The following POP1 variants were observed in gnomAD, a reference collection of about 807,000 sequenced individuals.
POP1 encodes POP1 ribonuclease P/MRP subunit, also known as ribonucleases P/MRP protein subunit POP1.
POP1 carries 75 observed loss-of-function variants against 102.2 expected under a neutral mutation model. The observed-to-expected ratio is 0.73, with a 90% confidence interval of 0.61 to 0.89. The LOEUF is 0.89. Among genes scored for constraint, POP1 ranks in the 40% least tolerant of loss-of-function variants. The pLI, the probability that POP1 is intolerant of heterozygous loss-of-function variation, is 0.00. For synonymous variants in POP1, 436 were observed against 464.1 expected, an observed-to-expected ratio of 0.94 and a Z score of 0.78; for missense variants, 1,116 against 1,267.4, an observed-to-expected ratio of 0.88 and a Z score of 1.81.
At chr8:98,125,616 C>G (rs544111957) in intron 2 of POP1, among the ~76,000 whole-genome samples, 1 of 152,236 alleles carries the variant, frequency 6.6e-6, no homozygotes, top group Admixed American at 6.5e-5. Context: ...TCTTGGCCCA[C>G]TGCAACCTCT....
At chr8:98,122,100 A>AT (rs1407773326) in intron 1 of POP1, among the ~76,000 whole-genome samples, 3 of 152,168 alleles carry the variant, frequency 2.0e-5, no homozygotes, top group Non-Finnish European at 1.5e-5. Flanking sequence ...AACTGCTGTG[A>AT]TTATAGGCAT....
intron 11 of POP1, among the ~76,000 whole-genome samples, chr8:98,144,984 C>A (rs907422734): frequency 2.0e-5 from 3 of 152,128 alleles, no homozygotes; most frequent in African/African-American, 7.2e-5. Context: ...ACCTCCTGGG[C>A]TCAAGCCATC....
chr8:98,132,041 T>C (rs1816397516), intron 5 of POP1, among the ~76,000 whole-genome samples: 1 of 152,198 alleles, frequency 6.6e-6, no homozygotes, highest in Non-Finnish European at 1.5e-5. Context: ...TGAGTTACTT[T>C]TCATTTTGGG....
intron 9 of POP1, among the ~76,000 whole-genome samples, chr8:98,138,739 T>A (rs1816619385): frequency 1.3e-5 from 2 of 152,078 alleles, no homozygotes; most frequent in Non-Finnish European, 2.9e-5. Flanking sequence ...TAATAAGTTG[T>A]GGAGCAAAGA....
In POP1 at chr8:98,159,320, C is replaced by T. The variant is rs991145044; in HGVS notation, c.*1049C>T. On this transcript the variant is annotated 3_prime_UTR_variant, in exon 16 of 16. Transcript: ENST00000401707. Reference sequence around the variant, plus strand: ...TACCTCTGCAAGGTGATAACTAAGCCGGCAAGCTGCCTTTCAACACTCATG... The same window carrying T: ...TACCTCTGCAAGGTGATAACTAAGCTGGCAAGCTGCCTTTCAACACTCATG... 7.9e-5 allele frequency: 12 copies of T among 152,182 alleles called. No homozygotes were observed. The highest frequency in any genetic ancestry group is 1.2e-4 in the Non-Finnish European group (8 of 68,056). The allele number at this position is 152,182 out of a possible 1,614,324, so 9.4% of individuals were successfully genotyped here. A position where few individuals can be genotyped will look rare whatever the true frequency, so the allele number is the denominator to read the frequency against.
At chr8:98,118,224 T>C (rs1363635150) in intron 1 of POP1, among the ~76,000 whole-genome samples, 1 of 152,170 alleles carries the variant, frequency 6.6e-6, no homozygotes, top group Non-Finnish European at 1.5e-5. Context: ...CAGTCTGGCC[T>C]CCCCTTGCCT....
At chr8:98,129,137 G>C (rs905148654) in intron 4 of POP1, among the ~76,000 whole-genome samples, 1 of 152,106 alleles carries the variant, frequency 6.6e-6, no homozygotes. Flanking sequence ...AAAAAACTCT[G>C]ACCCTCTTAC....
chr8:98,130,546 GGA>G (rs1816353869), intron 5 of POP1, among the ~76,000 whole-genome samples: 1 of 5,842 alleles, frequency 1.7e-4, no homozygotes, highest in Admixed American at 1.3e-3. Flanking sequence ...GGATAAGATG[GGA>G]GGAGAGGGGG....
In POP1 at chr8:98,123,327, C is replaced by T. The variant is rs961497636; in HGVS notation, c.-2-9C>T. On this transcript the variant is annotated splice_polypyrimidine_tract_variant and intron_variant, in intron 1 of 15. Transcript: ENST00000401707. ...TTTCCCTGTATTAAATGTATTACTT[C>T]CTTTCCAGAAATGTCAAATGCAAAA... is the stretch of plus-strand genomic sequence containing the variant. The T allele has an allele frequency of 3.1e-6, 5 of 1,612,710 alleles. No individual in the cohort carries two copies. The highest frequency in any genetic ancestry group is 1.7e-5 in the Admixed American group (1 of 59,982).
intron 5 of POP1, among the ~76,000 whole-genome samples, chr8:98,130,591 C>A (rs1816355421): frequency 6.6e-6 from 1 of 152,050 alleles, no homozygotes; most frequent in African/African-American, 2.4e-5. Flanking sequence ...GAGTGAAGAA[C>A]TGGAATCAAT....
At chr8:98,141,711 G>A (rs1241824622) in intron 11 of POP1, among the ~76,000 whole-genome samples, 6 of 150,666 alleles carry the variant, frequency 4.0e-5, no homozygotes, top group African/African-American at 1.2e-4. Flanking sequence ...CCACCACAAC[G>A]CCTGGCTAAT....
Position 98,140,810 on chromosome 8 carries a change from G to A in POP1, c.1516G>A (p.Gly506Arg). The part of the protein sequence containing the change: ...PAEIPAGTIL[G>R]LTVGDPRINL... The stretch of plus-strand genomic sequence containing the variant: ...AGAAATTCCGGCAGGTACTATTCTG[G>A]GACTGACAGTTGGGGATCCTCGAAT... The change falls in exon 11 of 16, where the codon GGA (glycine) becomes AGA (arginine). Residue 506 changes from glycine to arginine, a missense_variant. By Grantham distance (125) the Gly-to-Arg change is moderately radical. Coordinates refer to ENST00000401707, the MANE Select transcript of POP1 (RefSeq NM_001145860.2). 1.2e-6 allele frequency: 2 copies of A among 1,613,852 alleles called. No homozygotes were observed. The highest frequency in any genetic ancestry group is 1.7e-6 in the Non-Finnish European group (2 of 1,179,818).
chr8:98,146,708 G>A, intron 12 of POP1, 25 bp downstream of exon 12: 1 of 1,497,850 alleles, frequency 6.7e-7, no homozygotes, highest in Non-Finnish European at 9.3e-7. Context: ...AAGGGTTATT[G>A]GTAAAGTCAT....
Position 98,137,053 on chromosome 8 carries a change from C to G in POP1, c.1362+99C>G. On this transcript the variant is annotated intron_variant, in intron 9 of 15. Coordinates refer to ENST00000401707, the MANE Select transcript of POP1 (RefSeq NM_001145860.2). ...AATTTGGTAACATTTTGGGCCATGG[C>G]TTTTAGATGTTTATTTCCCTACTTA... 2.8e-6 allele frequency: 3 copies of G among 1,053,248 alleles called. No individual in the cohort carries two copies. The South Asian group carries it at 4.0e-5, about 14-fold the overall frequency. The allele number at this position is 1,053,248 out of a possible 1,614,324, so 65.2% of individuals were successfully genotyped here. A position where few individuals can be genotyped will look rare whatever the true frequency, so the allele number is the denominator to read the frequency against.
At chr8:98,129,148 C>T (rs1056498629) in intron 4 of POP1, among the ~76,000 whole-genome samples, 8 of 151,982 alleles carry the variant, frequency 5.3e-5, no homozygotes, top group South Asian at 4.2e-4. Context: ...ACCCTCTTAC[C>T]GAGTGGTTTT....
intron 1 of POP1, among the ~76,000 whole-genome samples, chr8:98,118,099 G>A (rs1303860343): frequency 6.6e-6 from 1 of 151,918 alleles, no homozygotes; most frequent in Non-Finnish European, 1.5e-5. Flanking sequence ...AAGAAAATCT[G>A]CTTTATTCCC....
chr8:98,157,521 A>G, intron 15 of POP1, 96 bp from the exon 16 acceptor site: 2 of 1,408,762 alleles, frequency 1.4e-6, no homozygotes, highest in East Asian at 4.6e-5. Context: ...TATAGTATAA[A>G]AGAATCAAAT....
intron 12 of POP1, among the ~76,000 whole-genome samples, chr8:98,147,321 A>G (rs1426869161): frequency 6.6e-6 from 1 of 152,192 alleles, no homozygotes. Flanking sequence ...GGGCAGGGTC[A>G]AGGTTTCAGT....
At chr8:98,129,260 C>T (rs1816306576) in intron 4 of POP1, among the ~76,000 whole-genome samples, 1 of 152,146 alleles carries the variant, frequency 6.6e-6, no homozygotes, top group Non-Finnish European at 1.5e-5. Flanking sequence ...AAGTTGAAAA[C>T]TTGAACTGGG....
Sources: gnomAD v4.1 joint callset for allele counts (sites outside exome capture counted in the v4.1 genomes callset) on GRCh38, gnomAD v4.1.1 for gene constraint, MANE v1.5 for transcripts, NCBI Gene and HGNC (gene_info 2026-07-23, HGNC 2026-07-21) for gene names.